ITGAE: variants seen among roughly 807,000 people sequenced by gnomAD.
ITGAE encodes integrin alpha-E.
In ITGAE, 99 loss-of-function variants were observed where a neutral mutation model predicts 136.5. The observed-to-expected ratio is 0.73, with a 90% CI of 0.62 to 0.86. The LOEUF is 0.86. Among genes scored for constraint, ITGAE ranks in the 40% least tolerant of loss-of-function variants. The pLI, the probability that ITGAE is intolerant of heterozygous loss-of-function variation, is 0.00. For missense variants in ITGAE, 1,447 were observed against 1,515.3 expected, an observed-to-expected ratio of 0.95 and a Z score of 0.75; for synonymous variants, 613 against 591.8, an observed-to-expected ratio of 1.04 and a Z score of -0.52.
intron 2 of ITGAE, among the ~76,000 whole-genome samples, chr17:3,769,692 T>C (rs2052375488): frequency 6.6e-6 from 1 of 152,212 alleles, no homozygotes; most frequent in Non-Finnish European, 1.5e-5. Flanking sequence ...TCGTTGTTTG[T>C]TTGCTTTTTG....
At position 3,755,136 on chromosome 17, in the gene ITGAE, A is replaced by C; in HGVS notation, c.1365T>G (p.Ala455=). ...QTAAAAADAE[A]AQYSYLGYAV... is the part of the protein sequence containing the mutation. ...CCTCACCCAGGTAGCTGTACTGCGC[A>C]GCCTCCGCGTCTGCCGCCGCCGCCG... The change falls in exon 12 of 31, where the codon GCT becomes GCG. Residue 455 remains alanine (A), a synonymous_variant. Transcript: ENST00000263087. 1 of 1,357,936 alleles carries C rather than the reference A, an allele frequency of 7.4e-7. No homozygotes were observed. The highest frequency in any genetic ancestry group is 9.7e-7 in the Non-Finnish European group (1 of 1,030,422). The allele number at this position is 1,357,936 out of a possible 1,614,324, so 84.1% of individuals were successfully genotyped here.
At chr17:3,723,532 C>A (rs1012812708) in intron 27 of ITGAE, 149 bp from the exon 28 acceptor site, 1 of 997,176 alleles carries the variant, frequency 1.0e-6, no homozygotes, top group Non-Finnish European at 1.5e-6. Flanking sequence ...GAAGCTCCAG[C>A]GGGAGCAATT....
At chr17:3,796,214 T>C (rs561558691) in intron 1 of ITGAE, among the ~76,000 whole-genome samples, 1 of 147,708 alleles carries the variant, frequency 6.8e-6, no homozygotes, top group East Asian at 2.0e-4. Flanking sequence ...TCGCTGTATT[T>C]GCTGGGCTTT....
intron 1 of ITGAE, 81 bp downstream of exon 1, chr17:3,801,028 GAC>G: frequency 6.8e-7 from 1 of 1,480,120 alleles, no homozygotes. Context: ...ATCAGAGACA[GAC>G]AGTCAAGGCT....
intron 2 of ITGAE, among the ~76,000 whole-genome samples, chr17:3,776,364 G>C (rs1026520206): frequency 6.6e-6 from 1 of 151,840 alleles, no homozygotes; most frequent in Admixed American, 6.6e-5. Context: ...GGCAGAACCT[G>C]TGCTAAGCCC....
intron 14 of ITGAE, 26 bp downstream of exon 14, chr17:3,753,264 G>A (rs1049058042): frequency 1.2e-6 from 2 of 1,607,394 alleles, no homozygotes; most frequent in African/African-American, 2.7e-5. Flanking sequence ...GCCTCAGCAA[G>A]CTCATGAAGA....
intron 24 of ITGAE, among the ~76,000 whole-genome samples, chr17:3,728,944 G>T (rs1392337404): frequency 6.6e-6 from 1 of 151,804 alleles, no homozygotes. Context: ...GCTGAGGCAG[G>T]AGAATCGCTT....
intron 17 of ITGAE, 36 bp from the exon 18 acceptor site, chr17:3,745,963 G>A (rs1320594878): frequency 1.3e-6 from 2 of 1,591,842 alleles, no homozygotes; most frequent in African/African-American, 1.3e-5. Context: ...GATGAGGTGG[G>A]GATGAGCCAG....
At chr17:3,773,812 C>T (rs1044886429) in intron 2 of ITGAE, among the ~76,000 whole-genome samples, 10 of 152,132 alleles carry the variant, frequency 6.6e-5, no homozygotes, top group Non-Finnish European at 1.5e-4. Flanking sequence ...AGTGACCAGC[C>T]CCCATTTTGA....
Position 3,763,853 on chromosome 17 carries a change from G to A in ITGAE, c.247+16C>T, listed in dbSNP as rs2052230873. On this transcript the variant is annotated intron_variant, in intron 3 of 30. Coordinates refer to ENST00000263087, the MANE Select transcript of ITGAE (RefSeq NM_002208.5). ...GGGGTCCTGGGGAGCATTCCCTGGA[G>A]TTGGGGCTGACTTACCTACAGGATG... The A allele has an allele frequency of 1.2e-6, 2 of 1,604,492 alleles. No homozygotes were observed. The highest frequency in any genetic ancestry group is 2.2e-5 in the South Asian group (2 of 90,936).
chr17:3,751,603 G>T, intron 15 of ITGAE, 47 bp downstream of exon 15: 1 of 1,546,048 alleles, frequency 6.5e-7, no homozygotes, highest in Non-Finnish European at 8.9e-7. Context: ...ATATCTGAGA[G>T]AGGTCAGAGC....
Position 3,734,895 on chromosome 17 carries a change from A to C in ITGAE, c.2577T>G (p.Thr859=), listed in dbSNP as rs1483009376. 6.2e-7 allele frequency: 1 copy of C among 1,614,080 alleles called. No individual in the cohort carries two copies. Among genetic ancestry groups the C allele is most frequent in the East Asian group, 2.2e-5 (1 of 44,902 alleles). ...TCATGTAGGAATCTTCCCCGGAGTT[A>C]GTTAGGTTAATGTTCAGGGTCAGCT... The part of the protein sequence containing the change: ...TKELTLNINL[T]NSGEDSYMTS... The change falls in exon 21 of 31, where the codon ACT becomes ACG. Residue 859 remains threonine (T), a synonymous_variant. Coordinates refer to ENST00000263087, the MANE Select transcript of ITGAE (RefSeq NM_002208.5).
intron 20 of ITGAE, among the ~76,000 whole-genome samples, chr17:3,737,867 C>T (rs1244784944): frequency 6.6e-6 from 1 of 152,126 alleles, no homozygotes; most frequent in Non-Finnish European, 1.5e-5. Context: ...TTGCTATGTA[C>T]ACTAGGGGGC....
intron 1 of ITGAE, among the ~76,000 whole-genome samples, chr17:3,789,258 C>T (rs187979943): frequency 4.0e-5 from 6 of 151,808 alleles, no homozygotes; most frequent in South Asian, 2.1e-4. Context: ...AAAAAAGAAA[C>T]GAAAAAGAAA....
Position 3,748,169 on chromosome 17 carries a change from T to A in ITGAE, c.2025-117A>T, listed in dbSNP as rs2051766269. The A allele has an allele frequency of 9.8e-6, 10 of 1,024,948 alleles. No homozygotes were observed. In the South Asian group the frequency reaches 1.5e-4, roughly 16 times the overall value. The allele number at this position is 1,024,948 out of a possible 1,614,324, so 63.5% of individuals were successfully genotyped here. ...ATCAAACATGCCCACATCCAGGTGA[T>A]CCCTGAGTCTCAGGGTACAGTGGGG... is the stretch of plus-strand genomic sequence containing the variant. On this transcript the variant is annotated intron_variant, in intron 16 of 30. Coordinates refer to ENST00000263087, the MANE Select transcript of ITGAE (RefSeq NM_002208.5).
chr17:3,768,101 C>A (rs780755807), intron 2 of ITGAE, among the ~76,000 whole-genome samples: 1 of 151,978 alleles, frequency 6.6e-6, no homozygotes, highest in Admixed American at 6.6e-5. Context: ...TGTGCCTGGC[C>A]CACTTATTTG....
intron 26 of ITGAE, chr17:3,724,631 G>A (rs770699831): frequency 6.2e-7 from 1 of 1,614,226 alleles, no homozygotes; most frequent in Non-Finnish European, 8.5e-7. Context: ...AGGACACCAG[G>A]ATGGTCCACC....
chr17:3,743,632 C>T lies in ITGAE; in HGVS notation c.2320-15G>A, dbSNP rs142543323. The T allele has an allele frequency of 3.2e-4, 521 of 1,606,636 alleles. No homozygotes were observed. Among genetic ancestry groups the T allele is most frequent in the Middle Eastern group, 2.0e-3 (12 of 6,028 alleles). ...TCCTCACAGAGCTGTGGGGTCACCA[C>T]GGAAGGCAGGGTTAGAGTTGGATGT... On this transcript the variant is annotated splice_polypyrimidine_tract_variant and intron_variant, in intron 18 of 30. Transcript: ENST00000263087.
Position 3,777,660 on chromosome 17 carries a change from C to T in ITGAE, c.35G>A (p.Ser12Asn), listed in dbSNP as rs769462291. 6.2e-7 allele frequency: 1 copy of T among 1,607,500 alleles called. No homozygotes were observed. The highest frequency in any genetic ancestry group is 1.7e-5 in the Admixed American group (1 of 57,998). Residue 12 changes from serine to asparagine, a missense_variant and splice_region_variant, in exon 2 of 31, where the codon AGC becomes AAC. Ser to Asn is a conservative substitution (Grantham distance 46). This residue lies in a region of ITGAE where 106 missense variants were observed against 87.8 expected (regional missense o/e 1.21). Transcript: ENST00000263087. ...ATTGAAAGCGGCCAGCAGGGCCAGGCCTGTAGGGAAAAGAGGAGCGTTTAA... is the reference window on the plus strand; with the variant it reads ...ATTGAAAGCGGCCAGCAGGGCCAGGTCTGTAGGGAAAAGAGGAGCGTTTAA... The part of the protein sequence containing the change: ...WLFHTLLCIA[S>N]LALLAAFNVD...
Sources: gnomAD v4.1 joint callset for allele counts (sites outside exome capture counted in the v4.1 genomes callset) on GRCh38, gnomAD v4.1.1 for gene constraint, gnomAD v4.1.1 regional missense constraint, MANE v1.5 for transcripts, NCBI Gene and HGNC (gene_info 2026-07-23, HGNC 2026-07-21) for gene names.